The following SNTG1 variants were observed in gnomAD, a reference collection of about 807,000 sequenced individuals.
The protein encoded by SNTG1 is syntrophin gamma 1, also known as gamma-1-syntrophin.
Under a neutral mutation model 74.7 loss-of-function variants are expected in SNTG1, and 39 were observed. The ratio of observed to expected loss-of-function variants is 0.52; its 90% CI spans 0.40 to 0.68. The LOEUF is 0.68. SNTG1 is among the 30% of genes least tolerant of loss of function. The pLI, the probability that SNTG1 is intolerant of heterozygous loss-of-function variation, is 0.00. For synonymous variants in SNTG1, 254 were observed against 217.1 expected, an observed-to-expected ratio of 1.17 and a Z score of -1.49; for missense variants, 685 against 609.5, an observed-to-expected ratio of 1.12 and a Z score of -1.30.
intron 10 of SNTG1, among the ~76,000 whole-genome samples, chr8:50,536,131 T>A (rs2094305554): frequency 6.6e-6 from 1 of 152,162 alleles, no homozygotes. Context: ...AAGTATAAAC[T>A]TTTTATGAAC....
chr8:50,145,718 C>T (rs2131498485), intron 1 of SNTG1, among the ~76,000 whole-genome samples: 1 of 152,082 alleles, frequency 6.6e-6, no homozygotes, highest in African/African-American at 2.4e-5. Flanking sequence ...CTGATTGTTC[C>T]AAAATAACAA....
intron 1 of SNTG1, among the ~76,000 whole-genome samples, chr8:50,104,008 C>G (rs1044225397): frequency 6.6e-6 from 1 of 151,988 alleles, no homozygotes; most frequent in Admixed American, 6.6e-5. Context: ...TCAGGGATAT[C>G]AGTCTAAAAT....
chr8:49,984,503 C>G (rs1402129498), intron 1 of SNTG1, among the ~76,000 whole-genome samples: 1 of 151,974 alleles, frequency 6.6e-6, no homozygotes, highest in Admixed American at 6.6e-5. Context: ...CTGCGCCCAG[C>G]CTAGATAGGG....
chr8:50,704,028 T>G (rs954503518), intron 15 of SNTG1, among the ~76,000 whole-genome samples: 1 of 152,340 alleles, frequency 6.6e-6, no homozygotes, highest in African/African-American at 2.4e-5. Flanking sequence ...AGTTGAAAAC[T>G]TCTGGTAAGA....
At chr8:50,612,029 A>G (rs1439291640) in intron 13 of SNTG1, among the ~76,000 whole-genome samples, 1 of 152,156 alleles carries the variant, frequency 6.6e-6, no homozygotes, top group Non-Finnish European at 1.5e-5. Flanking sequence ...AAGTGCTGGG[A>G]TTGCAGGTGT....
chr8:50,089,262 G>A (rs2079619242), intron 1 of SNTG1, among the ~76,000 whole-genome samples: 1 of 151,998 alleles, frequency 6.6e-6, no homozygotes, highest in African/African-American at 2.4e-5. Flanking sequence ...AATTCAAGAT[G>A]GATTAAAGAT....
Position 50,223,873 on chromosome 8 carries a change from C to T in SNTG1, c.-28+51238C>T, listed in dbSNP as rs1011511583. 5.3e-5 allele frequency among the ~76,000 whole-genome samples: 8 copies of T among 151,896 alleles called. No homozygotes were observed. The South Asian group carries it at 8.3e-4, about 16-fold the overall frequency. ...TAGCTACACAAAAATAGTGATAACC[C>T]TAAAGTATAAGGAATATAAGAAAGG... On this transcript the variant is annotated intron_variant, in intron 2 of 18. Transcript: ENST00000642720.
intron 1 of SNTG1, among the ~76,000 whole-genome samples, chr8:50,161,008 G>A (rs931723016): frequency 3.9e-5 from 6 of 152,134 alleles, no homozygotes; most frequent in Non-Finnish European, 5.9e-5. Context: ...TTAGAGAATG[G>A]CAATGACTTT....
intron 8 of SNTG1, chr8:50,491,152 G>A (rs2131881723): frequency 6.6e-6 from 1 of 152,522 alleles, no homozygotes. Context: ...GTTCTGCCGG[G>A]AACCTCTGAT....
At chr8:50,103,893 G>C (rs549582769) in intron 1 of SNTG1, among the ~76,000 whole-genome samples, 1 of 152,134 alleles carries the variant, frequency 6.6e-6, no homozygotes, top group African/African-American at 2.4e-5. Context: ...AACCAGCCTT[G>C]CATCCCAGGG....
At chr8:50,649,488 G>A (rs539715046) in intron 13 of SNTG1, among the ~76,000 whole-genome samples, 3 of 152,218 alleles carry the variant, frequency 2.0e-5, no homozygotes, top group Admixed American at 6.6e-5. Flanking sequence ...GACAGAGGGA[G>A]ACTCCTTCTC....
intron 8 of SNTG1, among the ~76,000 whole-genome samples, chr8:50,456,551 T>G (rs1309123218): frequency 6.6e-6 from 1 of 152,028 alleles, no homozygotes; most frequent in Admixed American, 6.6e-5. Flanking sequence ...GCAGAAAAAA[T>G]TTGAAGGGCC....
At position 49,951,873 on chromosome 8, in the gene SNTG1, C is replaced by CAAAAAAAA. The variant is rs5891338; in HGVS notation, c.-103+39666_-103+39673dup. The stretch of plus-strand genomic sequence containing the variant: ...AACAGAAGGAAATCTGGAAAATTCA[C>CAAAAAAAA]AAAAAAAAAAAAAAAAAAAAAAAAA... On this transcript the variant is annotated intron_variant, in intron 1 of 18. Transcript: ENST00000642720. Among the ~76,000 whole-genome samples, 31 of 56,296 alleles carry CAAAAAAAA rather than the reference C, an allele frequency of 5.5e-4. 1 individual carries two copies. The highest frequency in any genetic ancestry group is 1.2e-3 in the South Asian group (1 of 806). 36.9% of individuals were successfully genotyped at this position (56,296 alleles called of 152,430 possible).
chr8:50,475,185 A>G (rs2131778463), intron 8 of SNTG1, among the ~76,000 whole-genome samples: 1 of 152,008 alleles, frequency 6.6e-6, no homozygotes, highest in South Asian at 2.1e-4. Flanking sequence ...TATGTAACAA[A>G]CCTGCACGTT....
At chr8:50,330,602 A>G (rs553909176) in intron 2 of SNTG1, among the ~76,000 whole-genome samples, 2 of 152,308 alleles carry the variant, frequency 1.3e-5, no homozygotes, top group Non-Finnish European at 2.9e-5. Flanking sequence ...TCCCAGTACC[A>G]ATTTACTATA....
intron 18 of SNTG1, among the ~76,000 whole-genome samples, chr8:50,785,295 A>C (rs1388801013): frequency 6.6e-6 from 1 of 152,000 alleles, no homozygotes; most frequent in Non-Finnish European, 1.5e-5. Context: ...AACTTTAACT[A>C]GATAACCAAA....
intron 18 of SNTG1, among the ~76,000 whole-genome samples, chr8:50,763,496 T>C (rs778306379): frequency 5.3e-4 from 80 of 151,794 alleles, no homozygotes; most frequent in Non-Finnish European, 9.9e-4. Flanking sequence ...CAGAATGGCA[T>C]AGATTCTCTT....
intron 13 of SNTG1, among the ~76,000 whole-genome samples, chr8:50,635,316 CCTAGCACTCTA>C (rs1386865127): frequency 6.6e-6 from 1 of 152,064 alleles, no homozygotes; most frequent in Non-Finnish European, 1.5e-5. Flanking sequence ...CGCTCAAGGC[CCTAGCACTCTA>C]CAATCAGTAG....
chr8:50,014,885 T>C (rs879837506), intron 1 of SNTG1, among the ~76,000 whole-genome samples: 7 of 150,874 alleles, frequency 4.6e-5, no homozygotes, highest in African/African-American at 1.7e-4. Flanking sequence ...ATAAGGAATA[T>C]AAAAGAAAAA....
Sources: allele counts gnomAD v4.1 joint callset (sites outside exome capture counted in the v4.1 genomes callset), GRCh38; gene constraint gnomAD v4.1.1; transcripts MANE v1.5; gene names NCBI Gene and HGNC (gene_info 2026-07-23, HGNC 2026-07-21).